SYNJ2: variants seen among roughly 807,000 people sequenced by gnomAD.
SYNJ2 encodes the protein synaptojanin 2.
A neutral mutation model predicts 141.3 loss-of-function variants in SYNJ2; 116 were observed. The observed-to-expected ratio is 0.82, with a 90% CI of 0.71 to 0.96. The LOEUF (loss-of-function observed/expected upper bound fraction) is 0.96. SYNJ2 is among the 40% of genes least tolerant of loss of function. The pLI, the probability that SYNJ2 is intolerant of heterozygous loss-of-function variation, is 0.00. For missense variants in SYNJ2, 1,873 were observed against 1,934.8 expected, an observed-to-expected ratio of 0.97 and a Z score of 0.60; for synonymous variants, 745 against 777.7, an observed-to-expected ratio of 0.96 and a Z score of 0.70.
intron 7 of SYNJ2, 184 bp downstream of exon 7, chr6:158,059,537 A>G (rs1781079769): frequency 2.2e-6 from 3 of 1,371,704 alleles, no homozygotes; most frequent in Non-Finnish European, 1.9e-6. Context: ...GCCCTGATAC[A>G]GTGAGTGTAA....
chr6:158,041,996 T>C (rs1779974258), intron 4 of SYNJ2, among the ~76,000 whole-genome samples: 1 of 152,128 alleles, frequency 6.6e-6, no homozygotes, highest in African/African-American at 2.4e-5. Flanking sequence ...ACCGTAGGCG[T>C]GAGTCACTGC....
At chr6:157,989,689 G>GA (rs1777340618) in intron 1 of SYNJ2, among the ~76,000 whole-genome samples, 1 of 151,824 alleles carries the variant, frequency 6.6e-6, no homozygotes, top group African/African-American at 2.4e-5. Flanking sequence ...CCAGCACTGG[G>GA]AGCAGAGGCT....
chr6:158,000,365 G>C (rs1777799324), intron 1 of SYNJ2, among the ~76,000 whole-genome samples: 1 of 152,144 alleles, frequency 6.6e-6, no homozygotes, highest in African/African-American at 2.4e-5. Flanking sequence ...AGCAGAATCA[G>C]TGTGTTTACT....
intron 2 of SYNJ2, among the ~76,000 whole-genome samples, chr6:158,023,284 A>G (rs1023327470): frequency 2.6e-5 from 4 of 150,972 alleles, no homozygotes; most frequent in African/African-American, 9.8e-5. Flanking sequence ...AAAAAAAGCA[A>G]ACAAACAAAA....
intron 1 of SYNJ2, among the ~76,000 whole-genome samples, chr6:158,011,821 T>C (rs2128325231): frequency 6.6e-6 from 1 of 152,334 alleles, no homozygotes; most frequent in South Asian, 2.1e-4. Flanking sequence ...CCTCCTTGTT[T>C]CGTGGTTCAC....
In SYNJ2 at chr6:158,080,492, A is replaced by C. The variant is rs536961434; in HGVS notation, c.2568-617A>C. ...TCTGACTCAAAATAAAAAAAAAAAAAAAAACGAGCATTTCCCTTTTTTTTT... is the reference window on the plus strand; with the variant it reads ...TCTGACTCAAAATAAAAAAAAAAAACAAAACGAGCATTTCCCTTTTTTTTT... On this transcript the variant is annotated intron_variant, in intron 18 of 26. Coordinates refer to ENST00000355585, the MANE Select transcript of SYNJ2 (RefSeq NM_003898.4). Among the ~76,000 whole-genome samples the C allele has an allele frequency of 3.7e-3, 559 of 150,240 alleles. 3 individuals carry two copies. Among genetic ancestry groups the C allele is most frequent in the African/African-American group, 0.013 (536 of 41,192 alleles).
chr6:158,014,708 T>A (rs1175067000), intron 1 of SYNJ2, among the ~76,000 whole-genome samples: 1 of 152,186 alleles, frequency 6.6e-6, no homozygotes, highest in Non-Finnish European at 1.5e-5. Flanking sequence ...GACAGAGCCA[T>A]CTGATTGGTG....
chr6:158,016,950 C>A, intron 1 of SYNJ2: 1 of 1,177,790 alleles, frequency 8.5e-7, no homozygotes, highest in East Asian at 4.2e-5. Context: ...AACCCCAGGA[C>A]CCCAGCTCCT....
At chr6:158,083,065 TGGGACTACA>T (rs567440558) in intron 20 of SYNJ2, among the ~76,000 whole-genome samples, 1,633 of 152,172 alleles carry the variant, frequency 0.011, 10 homozygotes, top group Non-Finnish European at 0.016. Context: ...CCCGAGTAGC[TGGGACTACA>T]GGCACTCACC....
chr6:158,093,454 A>AC (rs1562413561), intron 26 of SYNJ2, among the ~76,000 whole-genome samples: 1 of 100,918 alleles, frequency 9.9e-6, no homozygotes, highest in Admixed American at 8.5e-5. Flanking sequence ...AAAAAACAAA[A>AC]AAAAAAAAAC....
At chr6:158,064,098 T>C (rs56382301) in intron 9 of SYNJ2, among the ~76,000 whole-genome samples, 262 of 152,334 alleles carry the variant, frequency 1.7e-3, no homozygotes, top group Admixed American at 2.7e-3. Flanking sequence ...TCTTGTGAAA[T>C]GCATCCCAGA....
intron 1 of SYNJ2, among the ~76,000 whole-genome samples, chr6:158,003,983 C>T (rs1344758307): frequency 6.6e-6 from 1 of 152,214 alleles, no homozygotes; most frequent in African/African-American, 2.4e-5. Flanking sequence ...TTCCTTAAGC[C>T]TCCACAAGCC....
At chr6:157,986,224 C>G (rs570395954) in intron 1 of SYNJ2, among the ~76,000 whole-genome samples, 1 of 152,216 alleles carries the variant, frequency 6.6e-6, no homozygotes, top group South Asian at 2.1e-4. Context: ...AGCAGCGACC[C>G]GGGACCACAG....
At chr6:157,993,964 G>A (rs558995090) in intron 1 of SYNJ2, among the ~76,000 whole-genome samples, 1 of 151,060 alleles carries the variant, frequency 6.6e-6, no homozygotes, top group African/African-American at 2.4e-5. Context: ...ACAGGCGCCC[G>A]CCACCACCCC....
Position 158,081,263 on chromosome 6 carries a change from C to T in SYNJ2, c.2722C>T (p.Pro908Ser). 6.2e-7 allele frequency: 1 copy of T among 1,614,066 alleles called. No individual in the cohort carries two copies. Among genetic ancestry groups the T allele is most frequent in the Non-Finnish European group, 8.5e-7 (1 of 1,180,010 alleles). Reference protein sequence around the residue: ...SPTLEEKNEFPEDLRTELMQT... With the variant: ...SPTLEEKNEFSEDLRTELMQT... ...GACCTTAGAAGAGAAAAACGAGTTT[C>T]CAGAGGACCTGCGTACTGAGCTCAT... is the stretch of plus-strand genomic sequence containing the variant. Residue 908 changes from proline (P) to serine (S), a missense_variant, in exon 19 of 27, where the codon CCA (proline) becomes TCA (serine). Transcript: ENST00000355585.
intron 12 of SYNJ2, 72 bp downstream of exon 12, chr6:158,066,707 G>C (rs1781589867): frequency 1.5e-6 from 2 of 1,364,044 alleles, no homozygotes; most frequent in East Asian, 2.4e-5. Flanking sequence ...TGACCCTTTA[G>C]TGGCCATCGT....
At chr6:158,034,175 G>A (rs751979317) in intron 4 of SYNJ2, among the ~76,000 whole-genome samples, 7 of 152,124 alleles carry the variant, frequency 4.6e-5, no homozygotes, top group South Asian at 2.1e-4. Context: ...GCTCCCATCC[G>A]TTCCCCTAGA....
chr6:158,079,341 A>G (rs552666844), intron 18 of SYNJ2: 1 of 152,232 alleles, frequency 6.6e-6, no homozygotes, highest in Middle Eastern at 3.4e-3. Flanking sequence ...CAAGGAAAGA[A>G]ATTAAGAAAA....
intron 7 of SYNJ2, among the ~76,000 whole-genome samples, chr6:158,060,275 A>G (rs1490183248): frequency 6.6e-6 from 1 of 152,120 alleles, no homozygotes; most frequent in East Asian, 1.9e-4. Flanking sequence ...TCACAGAGCC[A>G]TGGGAGCAAG....
Sources: gnomAD v4.1 joint callset for allele counts (sites outside exome capture counted in the v4.1 genomes callset) on GRCh38, gnomAD v4.1.1 for gene constraint, MANE v1.5 for transcripts, NCBI Gene and HGNC (gene_info 2026-07-23, HGNC 2026-07-21) for gene names.